OAS3: variants seen among roughly 807,000 people sequenced by gnomAD.
OAS3 encodes the protein 2'-5'-oligoadenylate synthetase 3, also known as 2'-5'-oligoadenylate synthase 3.
A neutral mutation model predicts 113.0 loss-of-function variants in OAS3; 107 were observed. That is an observed-to-expected ratio of 0.95 (90% confidence interval 0.81 to 1.11). The LOEUF (loss-of-function observed/expected upper bound fraction) is 1.11. Ranked by LOEUF, OAS3 falls within the 50% of genes most tolerant of loss-of-function variation. The probability of loss-of-function intolerance (pLI) is 0.00; values close to 1 mark genes in which losing one functional copy is unlikely to be tolerated. For synonymous variants in OAS3, 552 were observed against 573.6 expected, an observed-to-expected ratio of 0.96 and a Z score of 0.54; for missense variants, 1,258 against 1,389.1, an observed-to-expected ratio of 0.91 and a Z score of 1.50.
intron 14 of OAS3, 135 bp from the exon 15 acceptor site, chr12:112,969,473 G>C: frequency 1.0e-6 from 1 of 986,646 alleles, no homozygotes; most frequent in Non-Finnish European, 1.5e-6. Flanking sequence ...GTGTATAGGA[G>C]CACTGAGGAA....
chr12:112,965,654 G>A, intron 11 of OAS3, 90 bp from the exon 12 acceptor site: 1 of 1,225,794 alleles, frequency 8.2e-7, no homozygotes, highest in Non-Finnish European at 1.1e-6. Context: ...ACTTGTCCAA[G>A]GTCACACAGT....
chr12:112,940,621 C>A (rs548082745), intron 1 of OAS3, among the ~76,000 whole-genome samples: 1 of 152,328 alleles, frequency 6.6e-6, no homozygotes, highest in South Asian at 2.1e-4. Context: ...CCATTCTGAG[C>A]AAAGATTGCA....
intron 2 of OAS3, chr12:112,942,158 A>G (rs1467546574): frequency 3.6e-6 from 2 of 549,168 alleles, no homozygotes; most frequent in African/African-American, 1.9e-5. Flanking sequence ...TACTCCCGAA[A>G]GCTAAGCCAA....
intron 7 of OAS3, among the ~76,000 whole-genome samples, chr12:112,955,596 G>T (rs552995320): frequency 6.6e-6 from 1 of 152,138 alleles, no homozygotes; most frequent in Admixed American, 6.5e-5. Context: ...TTTTGTCTTT[G>T]GTTCTGCTTT....
intron 8 of OAS3, 73 bp downstream of exon 8, chr12:112,961,319 C>A: frequency 7.3e-7 from 1 of 1,364,850 alleles, no homozygotes. Context: ...AGTTCCTCCT[C>A]TACACCCACA....
At position 112,970,066 on chromosome 12, in the gene OAS3, G is replaced by C. The variant is rs7978382; in HGVS notation, c.*93G>C. 7.0e-4 allele frequency: 1,005 copies of C among 1,428,462 alleles called. 6 individuals carry two copies. In the African/African-American group the frequency reaches 0.012, roughly 17 times the overall value. The allele number at this position is 1,428,462 out of a possible 1,614,324, so 88.5% of individuals were successfully genotyped here. Reference sequence around the variant, plus strand: ...TCAGGGTCCCCTACCAGATGAGAGAGATTGTGTACATGTGTGTGTGAGCAC... The same window carrying C: ...TCAGGGTCCCCTACCAGATGAGAGACATTGTGTACATGTGTGTGTGAGCAC... On this transcript the variant is annotated 3_prime_UTR_variant, in exon 16 of 16. Transcript: ENST00000228928.
intron 14 of OAS3, 71 bp downstream of exon 14, chr12:112,968,245 C>T (rs1287542823): frequency 6.6e-7 from 1 of 1,515,386 alleles, no homozygotes; most frequent in Non-Finnish European, 8.9e-7. Context: ...TTCTAGATTG[C>T]AGAGCAGAGA....
In OAS3 at chr12:112,965,797, C is replaced by T. The variant is rs573798868; in HGVS notation, c.2457C>T (p.Leu819=). 4.3e-6 allele frequency: 7 copies of T among 1,613,714 alleles called. No homozygotes were observed. The Admixed American group carries it at 5.0e-5, about 12-fold the overall frequency. ...TGCGAGGCCGCTCAGATGCCGACCT[C>T]GTGGTGTTCCTCAGCTGCTTCAGCC... ...TALRGRSDAD[L]VVFLSCFSQF... Residue 819 remains leucine, a synonymous_variant, in exon 12 of 16, where the codon CTC becomes CTT. Transcript: ENST00000228928.
At chr12:112,938,802 C>A (rs1366857357) in intron 1 of OAS3, 95 bp downstream of exon 1, 2 of 964,382 alleles carry the variant, frequency 2.1e-6, no homozygotes, top group Non-Finnish European at 2.9e-6. Flanking sequence ...TGGCTTTATC[C>A]GCTTGTGCAC....
In OAS3 at chr12:112,962,941, C is replaced by A. The variant is rs55688670; in HGVS notation, c.2084+39C>A. On this transcript the variant is annotated intron_variant, in intron 9 of 15. Transcript: ENST00000228928. ...TCCCTTTGCCTGGCTTCATTATCCT[C>A]CCCCTCCCCACTGTCACCCTGGAGT... 10,760 of 1,607,420 alleles carry A rather than the reference C, an allele frequency of 6.7e-3. 798 individuals are homozygous for A. In the Admixed American group the frequency reaches 0.14, roughly 21 times the overall value.
rs188068460 is a variant in OAS3, at chr12:112,954,531, C to T, written c.1657+3556C>T. 2.4e-3 allele frequency among the ~76,000 whole-genome samples: 358 copies of T among 152,250 alleles called. No homozygotes were observed. The highest frequency in any genetic ancestry group is 3.9e-3 in the Non-Finnish European group (268 of 68,022). Reference sequence around the variant, plus strand: ...CAGGATGGTCTTGATCTCCCGACCTCGTGATCCACCCACCTCGGCCTCCCA... The same window carrying T: ...CAGGATGGTCTTGATCTCCCGACCTTGTGATCCACCCACCTCGGCCTCCCA... On this transcript the variant is annotated intron_variant, in intron 7 of 15. Coordinates refer to ENST00000228928, the MANE Select transcript of OAS3 (RefSeq NM_006187.4). This position sits in a 1 kb window ranked among gnomAD's most constrained non-coding sequence, Gnocchi z 4.0.
chr12:112,950,762 T>G lies in OAS3; in HGVS notation c.1444T>G (p.Cys482Gly), dbSNP rs1469731653. Reference sequence around the variant, plus strand: ...TGTTGAACTCATCATCTTCCTCAACTGCTTCACGGACTACAAGGACCAGGG... The same window carrying G: ...TGTTGAACTCATCATCTTCCTCAACGGCTTCACGGACTACAAGGACCAGGG... ...CDVELIIFLNCFTDYKDQGPR... is the reference protein window; with the variant it reads ...CDVELIIFLNGFTDYKDQGPR... The change falls in exon 7 of 16, where the codon TGC becomes GGC. Residue 482 changes from cysteine to glycine, a missense_variant. By Grantham distance (159) the Cys-to-Gly change is radical. Coordinates refer to ENST00000228928, the MANE Select transcript of OAS3 (RefSeq NM_006187.4). 4 of 1,614,024 alleles carry G rather than the reference T, an allele frequency of 2.5e-6. No individual in the cohort carries two copies. In the South Asian group the frequency reaches 4.4e-5, roughly 18 times the overall value.
intron 11 of OAS3, among the ~76,000 whole-genome samples, chr12:112,965,139 A>G (rs779874754): frequency 2.0e-5 from 3 of 152,242 alleles, no homozygotes; most frequent in Non-Finnish European, 4.4e-5. Context: ...AGTGAGACCC[A>G]GATCAGCTCA....
Position 112,941,586 on chromosome 12 carries a change from G to A in OAS3, c.194G>A (p.Arg65Gln), listed in dbSNP as rs192175931. 37 of 1,612,418 alleles carry A rather than the reference G, an allele frequency of 2.3e-5. No individual in the cohort carries two copies. The highest frequency in any genetic ancestry group is 8.9e-5 in the East Asian group (4 of 44,830). The change falls in exon 2 of 16, where the codon CGG becomes CAG. Residue 65 changes from arginine to glutamine, a missense_variant. Physicochemically the swap from Arg to Gln is conservative, Grantham distance 43 (BLOSUM62 1). Transcript: ENST00000228928. ...TTTGCCCAGGGAGGCTCCTCGGGCCGGGGCACAGCTCTCAAGGGTGGCTGT... is the reference window on the plus strand; with the variant it reads ...TTTGCCCAGGGAGGCTCCTCGGGCCAGGGCACAGCTCTCAAGGGTGGCTGT... ...LKTVKGGSSG[R>Q]GTALKGGCDS...
intron 7 of OAS3, among the ~76,000 whole-genome samples, chr12:112,959,244 A>G (rs1040021898): frequency 6.6e-6 from 1 of 152,144 alleles, no homozygotes; most frequent in Non-Finnish European, 1.5e-5. Context: ...ACCATCTGTC[A>G]TGGCTTCCTT....
Position 112,961,558 on chromosome 12 carries a change from G to A in OAS3, c.1833+312G>A, listed in dbSNP as rs533841799. ...CCCCCACCTCCAAGCCGTTGCTTAT[G>A]ATATTACCCCCACCACATGTCTATT... On this transcript the variant is annotated intron_variant, in intron 8 of 15. Transcript: ENST00000228928. Among the ~76,000 whole-genome samples the A allele has an allele frequency of 2.3e-4, 35 of 152,052 alleles. No homozygotes were observed. The South Asian group carries it at 6.0e-3, about 26-fold the overall frequency.
chr12:112,962,971 C>A, intron 9 of OAS3, 69 bp downstream of exon 9: 1 of 1,587,604 alleles, frequency 6.3e-7, no homozygotes, highest in South Asian at 1.2e-5. Context: ...TGGAGTCAGT[C>A]ATCCAGGAGG....
intron 1 of OAS3, among the ~76,000 whole-genome samples, chr12:112,940,598 C>T (rs2043670752): frequency 6.6e-6 from 1 of 152,158 alleles, no homozygotes. Context: ...TGAGTCATAC[C>T]ACAGTTCTGT....
intron 3 of OAS3, 95 bp from the exon 4 acceptor site, chr12:112,946,648 C>T (rs2043731835): frequency 1.8e-6 from 2 of 1,087,326 alleles, no homozygotes; most frequent in Admixed American, 4.3e-5. Flanking sequence ...TTGCCTCAGG[C>T]TCGGCCTGGA....
Sources: allele counts gnomAD v4.1 joint callset (sites outside exome capture counted in the v4.1 genomes callset), GRCh38; gene constraint gnomAD v4.1.1; non-coding constraint Gnocchi (gnomAD v3.1); transcripts MANE v1.5; gene names NCBI Gene and HGNC (gene_info 2026-07-23, HGNC 2026-07-21).